CDYL: variants seen among roughly 807,000 people sequenced by gnomAD.
CDYL encodes chromodomain Y-like protein.
CDYL carries 8 observed loss-of-function variants against 47.3 expected under a neutral mutation model. That is an observed-to-expected ratio of 0.17 (90% CI 0.10 to 0.31). The LOEUF (loss-of-function observed/expected upper bound fraction) is 0.31, where lower values mean the gene tolerates loss of function less well. Ranked by LOEUF, CDYL falls within the 10% of genes least tolerant of loss-of-function variation. The pLI is 1.00. For missense variants in CDYL, 471 were observed against 701.4 expected, an observed-to-expected ratio of 0.67 and a Z score of 3.71; for synonymous variants, 266 against 265.0, an observed-to-expected ratio of 1.00 and a Z score of -0.04.
chr6:4,855,931 A>G (rs1760994056), intron 1 of CDYL, among the ~76,000 whole-genome samples: 2 of 152,206 alleles, frequency 1.3e-5, no homozygotes, highest in African/African-American at 4.8e-5. Context: ...CGTAGTTCTT[A>G]TGCTCATTGT....
chr6:4,877,552 A>G (rs1488109282), intron 1 of CDYL, among the ~76,000 whole-genome samples: 1 of 152,196 alleles, frequency 6.6e-6, no homozygotes, highest in Non-Finnish European at 1.5e-5. Flanking sequence ...GATATCCAGT[A>G]TCCCAGCTAC....
At chr6:4,860,123 G>C (rs1008144372) in intron 1 of CDYL, among the ~76,000 whole-genome samples, 1 of 151,904 alleles carries the variant, frequency 6.6e-6, no homozygotes, top group South Asian at 2.1e-4. Flanking sequence ...GGATGGTCTC[G>C]ATCTCCTGAC....
chr6:4,846,230 C>T (rs1009827144), intron 1 of CDYL, among the ~76,000 whole-genome samples: 1 of 149,868 alleles, frequency 6.7e-6, no homozygotes, highest in Non-Finnish European at 1.5e-5. Context: ...CAGATGTTGT[C>T]TGGTTTTCAT....
rs1046443437 is a variant in CDYL, at chr6:4,783,160, C to T, written c.24+6353C>T. ...TTCAATCAGATCGTCCATCTTCTAT[C>T]TCAGAACTTCCTTCTGGGATTTTTT... On this transcript the variant is annotated intron_variant, in intron 1 of 6. Coordinates refer to ENST00000397588, the MANE Select transcript of CDYL (RefSeq NM_004824.4). Among the ~76,000 whole-genome samples, 4 of 150,168 alleles carry T rather than the reference C, an allele frequency of 2.7e-5. No individual in the cohort carries two copies. The East Asian group carries it at 7.7e-4, about 29-fold the overall frequency.
intron 2 of CDYL, among the ~76,000 whole-genome samples, chr6:4,723,401 G>C (rs548015582): frequency 6.6e-6 from 1 of 152,048 alleles, no homozygotes; most frequent in Non-Finnish European, 1.5e-5. Context: ...CCAGGCAGGA[G>C]ACGGACAGTA....
intron 2 of CDYL, among the ~76,000 whole-genome samples, chr6:4,920,064 C>T (rs1757668541): frequency 6.6e-6 from 1 of 152,198 alleles, no homozygotes; most frequent in African/African-American, 2.4e-5. Context: ...ATGGATGAAC[C>T]TTGCGGACAT....
chr6:4,849,322 A>G (rs1760752677), intron 1 of CDYL, among the ~76,000 whole-genome samples: 1 of 152,260 alleles, frequency 6.6e-6, no homozygotes, highest in Non-Finnish European at 1.5e-5. Context: ...AAAGCCGATC[A>G]TGAAAACAGA....
At chr6:4,766,727 G>C (rs534018876) in intron 3 of CDYL, among the ~76,000 whole-genome samples, 1 of 152,080 alleles carries the variant, frequency 6.6e-6, no homozygotes, top group Non-Finnish European at 1.5e-5. Flanking sequence ...ACAAGAGGCC[G>C]GGCACAGTGG....
chr6:4,927,388 A>G (rs1350407946), intron 2 of CDYL, among the ~76,000 whole-genome samples: 1 of 140,954 alleles, frequency 7.1e-6, no homozygotes, highest in Non-Finnish European at 1.5e-5. Flanking sequence ...TCAATTTTTT[A>G]TGTTTTAGTG....
chr6:4,920,697 C>T (rs1200877303), intron 2 of CDYL, among the ~76,000 whole-genome samples: 4 of 152,210 alleles, frequency 2.6e-5, no homozygotes, highest in Non-Finnish European at 5.9e-5. Context: ...CGGCTCACTG[C>T]AACCTCTGCC....
intron 1 of CDYL, among the ~76,000 whole-genome samples, chr6:4,818,358 A>T (rs1055949328): frequency 1.3e-5 from 2 of 152,190 alleles, no homozygotes; most frequent in Non-Finnish European, 2.9e-5. Flanking sequence ...TCTAAGAAAG[A>T]TTGTTTCTAT....
At chr6:4,831,892 A>T (rs1351784880) in intron 1 of CDYL, among the ~76,000 whole-genome samples, 6 of 151,974 alleles carry the variant, frequency 3.9e-5, no homozygotes, top group Non-Finnish European at 7.4e-5. Flanking sequence ...TTATTGGTGT[A>T]TAAGAATGCT....
chr6:4,779,757 T>C (rs942769850), intron 1 of CDYL, among the ~76,000 whole-genome samples: 9 of 152,200 alleles, frequency 5.9e-5, no homozygotes, highest in African/African-American at 2.2e-4. Flanking sequence ...GCTTCTAATG[T>C]AAAGGGCCAG....
intron 1 of CDYL, among the ~76,000 whole-genome samples, chr6:4,846,046 T>A (rs745551003): frequency 6.6e-6 from 1 of 152,166 alleles, no homozygotes; most frequent in Non-Finnish European, 1.5e-5. Flanking sequence ...GGGGAAAAAT[T>A]GGCTTAATTA....
At chr6:4,854,781 C>A (rs567094376) in intron 1 of CDYL, among the ~76,000 whole-genome samples, 1 of 152,272 alleles carries the variant, frequency 6.6e-6, no homozygotes, top group African/African-American at 2.4e-5. Context: ...CAAAAACCAG[C>A]CACCCCAGGG....
At chr6:4,847,520 T>C (rs908608879) in intron 1 of CDYL, among the ~76,000 whole-genome samples, 22 of 152,242 alleles carry the variant, frequency 1.4e-4, no homozygotes, top group African/African-American at 4.6e-4. Flanking sequence ...TGCCTGAAAC[T>C]TGTAGTTACT....
chr6:4,785,637 G>C (rs1336042003), intron 1 of CDYL, among the ~76,000 whole-genome samples: 1 of 152,138 alleles, frequency 6.6e-6, no homozygotes, highest in Non-Finnish European at 1.5e-5. Context: ...CAGCTCTTTA[G>C]TGTATCTCAG....
intron 1 of CDYL, chr6:4,714,961 TTG>T (rs1439995225): frequency 2.6e-5 from 4 of 152,218 alleles, no homozygotes; most frequent in Non-Finnish European, 5.9e-5. Flanking sequence ...TTTTTCACTT[TTG>T]TGTCTTAAAA....
chr6:4,905,320 C>T (rs1180936572), intron 2 of CDYL, among the ~76,000 whole-genome samples: 1 of 152,194 alleles, frequency 6.6e-6, no homozygotes, highest in African/African-American at 2.4e-5. Flanking sequence ...ACTCCGTCAA[C>T]CAACTTAGCG....
Sources: allele counts gnomAD v4.1 joint callset (sites outside exome capture counted in the v4.1 genomes callset), GRCh38; gene constraint gnomAD v4.1.1; transcripts MANE v1.5; gene names NCBI Gene and HGNC (gene_info 2026-07-23, HGNC 2026-07-21).